KANK3: variants seen among roughly 807,000 people sequenced by gnomAD.
KANK3 encodes KN motif and ankyrin repeat domains 3.
KANK3 carries 61 observed loss-of-function variants against 65.4 expected under a neutral mutation model. The ratio of observed to expected loss-of-function variants is 0.93; its 90% CI spans 0.76 to 1.15. The LOEUF (loss-of-function observed/expected upper bound fraction) is 1.15. KANK3 is among the 50% of genes most tolerant of loss of function. The pLI is 0.00. For synonymous variants in KANK3, 586 were observed against 543.3 expected, an observed-to-expected ratio of 1.08 and a Z score of -1.09; for missense variants, 1,187 against 1,178.8, an observed-to-expected ratio of 1.01 and a Z score of -0.10.
chr19:8,331,486 G>A lies in KANK3; in HGVS notation c.1936+1528C>T, dbSNP rs373231125. Among the ~76,000 whole-genome samples, 33 of 152,254 alleles carry A rather than the reference G, an allele frequency of 2.2e-4. No individual in the cohort carries two copies. The South Asian group carries it at 2.5e-3, about 11-fold the overall frequency. On this transcript the variant is annotated intron_variant, in intron 7 of 10. Coordinates refer to ENST00000330915, the MANE Select transcript of KANK3 (RefSeq NM_198471.3). ...GGGTTGGGGGCAGGCAGTGGGACCCGCCTCAACCTGCAGTTAGTACCAGAG... is the reference window on the plus strand; with the variant it reads ...GGGTTGGGGGCAGGCAGTGGGACCCACCTCAACCTGCAGTTAGTACCAGAG...
chr19:8,339,180 G>A (rs1461967154), intron 1 of KANK3, among the ~76,000 whole-genome samples: 1 of 152,082 alleles, frequency 6.6e-6, no homozygotes, highest in Non-Finnish European at 1.5e-5. Context: ...GTAAGAAAGT[G>A]AGGAAGATTG....
chr19:8,330,699 G>T (rs981507876), intron 7 of KANK3, among the ~76,000 whole-genome samples: 56 of 150,074 alleles, frequency 3.7e-4, no homozygotes, highest in Non-Finnish European at 7.8e-4. Context: ...TTGCACTGTA[G>T]CCTGGGCAAA....
At chr19:8,328,704 G>T (rs1439282412) in intron 7 of KANK3, among the ~76,000 whole-genome samples, 2 of 152,074 alleles carry the variant, frequency 1.3e-5, no homozygotes, top group African/African-American at 4.8e-5. Flanking sequence ...AAGCTGGGAG[G>T]TGAGGGTCGG....
chr19:8,336,723 G>C (rs1169925325), intron 2 of KANK3, among the ~76,000 whole-genome samples: 1 of 140,162 alleles, frequency 7.1e-6, no homozygotes, highest in East Asian at 2.1e-4. Flanking sequence ...CTGGGTGACA[G>C]AGTGAGACCC....
chr19:8,336,270 T>C (rs1970635869), intron 2 of KANK3, among the ~76,000 whole-genome samples: 1 of 151,982 alleles, frequency 6.6e-6, no homozygotes, highest in East Asian at 1.9e-4. Context: ...ACCCAGTATC[T>C]GCTAAAAATA....
Position 8,324,836 on chromosome 19 carries a change from G to C in KANK3, c.2083-6C>G. On this transcript the variant is annotated splice_polypyrimidine_tract_variant and splice_region_variant and intron_variant, in intron 8 of 10. Coordinates refer to ENST00000330915, the MANE Select transcript of KANK3 (RefSeq NM_198471.3). ...ATGAGGGCTGTCTGCCCCGTCTGGGGAGTGGGGAGGAAGAGGGAACAGGCT... is the reference window on the plus strand; with the variant it reads ...ATGAGGGCTGTCTGCCCCGTCTGGGCAGTGGGGAGGAAGAGGGAACAGGCT... 6.2e-7 allele frequency: 1 copy of C among 1,608,594 alleles called. No individual in the cohort carries two copies. Among genetic ancestry groups the C allele is most frequent in the African/African-American group, 1.3e-5 (1 of 74,960 alleles).
chr19:8,339,709 G>A (rs1970697631), intron 1 of KANK3, among the ~76,000 whole-genome samples: 1 of 151,984 alleles, frequency 6.6e-6, no homozygotes, highest in African/African-American at 2.4e-5. Context: ...ACCAAGCACA[G>A]TGGCTCACAA....
chr19:8,339,038 C>T (rs1035106436), intron 1 of KANK3, among the ~76,000 whole-genome samples: 2 of 151,984 alleles, frequency 1.3e-5, no homozygotes, highest in Admixed American at 1.3e-4. Flanking sequence ...ATGTCGCTAG[C>T]GGAGTGTCAC....
At position 8,322,900 on chromosome 19, in the gene KANK3, TG is replaced by T. The variant is rs1435008938; in HGVS notation, c.2404del (p.Gln802ArgfsTer30). ...DTQSESPPGS[Q>X]TATPGEGECG... ...TTCTCCTTCACCAGGTGTGGCTGTC[TG>T]GGAGCCAGGGGGTGACTCGCTCTGG... On this transcript the variant is annotated frameshift_variant, in exon 11 of 11. Coordinates refer to ENST00000330915, the MANE Select transcript of KANK3 (RefSeq NM_198471.3). LOFTEE classifies it low-confidence loss of function (END_TRUNC). 1 of 1,554,668 alleles carries T rather than the reference TG, an allele frequency of 6.4e-7. No individual in the cohort carries two copies. Among genetic ancestry groups the T allele is most frequent in the East Asian group, 2.4e-5 (1 of 42,480 alleles).
chr19:8,330,472 T>C (rs949028634), intron 7 of KANK3, among the ~76,000 whole-genome samples: 9 of 152,198 alleles, frequency 5.9e-5, no homozygotes, highest in African/African-American at 9.6e-5. Flanking sequence ...CTCACACCTG[T>C]AATCCCAGCA....
intron 7 of KANK3, among the ~76,000 whole-genome samples, chr19:8,326,663 G>A (rs1449876776): frequency 3.3e-5 from 5 of 151,350 alleles, no homozygotes; most frequent in African/African-American, 7.3e-5. Flanking sequence ...CGGGTGTGGT[G>A]GTGGGTGCCT....
At chr19:8,335,834 G>C (rs1970628529) in intron 2 of KANK3, 42 bp from the exon 3 acceptor site, 1 of 1,207,624 alleles carries the variant, frequency 8.3e-7, no homozygotes, top group South Asian at 4.2e-5. Context: ...CATCAGAACG[G>C]GGAAACCCGG....
chr19:8,325,155 A>G, intron 7 of KANK3, 59 bp from the exon 8 acceptor site: 6 of 1,529,820 alleles, frequency 3.9e-6, no homozygotes, highest in Non-Finnish European at 5.3e-6. Flanking sequence ...GACTTGATCC[A>G]CTCACCTCCC....
At chr19:8,340,291 T>TATATATATATACACAC (rs1472181365) in intron 1 of KANK3, among the ~76,000 whole-genome samples, 6 of 92,858 alleles carry the variant, frequency 6.5e-5, no homozygotes, top group African/African-American at 1.8e-4. Flanking sequence ...TATATATATA[T>TATATATATATACACAC]ACACACACAC....
chr19:8,332,609 G>A (rs1970545467), intron 7 of KANK3: 2 of 152,670 alleles, frequency 1.3e-5, no homozygotes, highest in African/African-American at 2.4e-5. Context: ...ACGAGGTCAG[G>A]AGATCAAGAC....
rs766634780 is a variant in KANK3 at position 8,334,504 on chromosome 19, G to A, written c.1323C>T (p.Pro441=). The A allele has an allele frequency of 1.9e-6, 3 of 1,604,782 alleles. No homozygotes were observed. Among genetic ancestry groups the A allele is most frequent in the East Asian group, 2.2e-5 (1 of 44,864 alleles). ...GSMDGDRAVA[P]AGILKSIMKK... ...AGCGACGGGGTCGGGACTCACCCGC[G>A]GGCGCCACGGCCCTGTCTCCGTCCA... Residue 441 remains proline, a synonymous_variant, in exon 3 of 11, where the codon CCC becomes CCT. Transcript: ENST00000330915.
chr19:8,335,483 A>G lies in KANK3; in HGVS notation c.344T>C (p.Leu115Pro), dbSNP rs1211672661. ...CGCGCGCGGCGACAGCGGCTGCATC[A>G]GGAGCCCCGAGGGCGCGCCCTGGGA... The part of the protein sequence containing the change: ...ILSQGAPSGL[L>P]MQPLSPRAPV... The change falls in exon 3 of 11, where the codon CTG becomes CCG. Residue 115 changes from leucine to proline, a missense_variant. Around this residue, in one of 3 missense-constraint regions of KANK3, gnomAD observed 1,078 missense variants for 1,038.2 expected, o/e 1.04. Transcript: ENST00000330915. The G allele has an allele frequency of 8.1e-7, 1 of 1,237,342 alleles. No homozygotes were observed. Among genetic ancestry groups the G allele is most frequent in the Non-Finnish European group, 1.0e-6 (1 of 986,284 alleles). 76.6% of individuals were successfully genotyped at this position (1,237,342 alleles called of 1,614,324 possible). A position where few individuals can be genotyped will look rare whatever the true frequency, so the allele number is the denominator to read the frequency against.
chr19:8,324,382 T>G, intron 10 of KANK3, 67 bp downstream of exon 10: 1 of 1,403,734 alleles, frequency 7.1e-7, no homozygotes, highest in Non-Finnish European at 9.8e-7. Context: ...GCTCAGGGCA[T>G]ATTTACTATC....
rs565941131 is a variant in KANK3, at chr19:8,335,580, C to A, written c.247G>T (p.Ala83Ser). ...GATGTCCAGGCGCCTGGGCTACGTG[C>A]GCCCGCGAGGCCGGGCCGGGGCGCG... ...PRAPRPGLAG[A>S]RSPGAWTSSE... Residue 83 changes from alanine to serine, a missense_variant, in exon 3 of 11, where the codon GCA becomes TCA. Ala to Ser is a moderately conservative substitution (Grantham distance 99). Transcript: ENST00000330915. 6 of 1,220,878 alleles carry A rather than the reference C, an allele frequency of 4.9e-6. No individual in the cohort carries two copies. Among genetic ancestry groups the A allele is most frequent in the South Asian group, 4.1e-5 (1 of 24,298 alleles). The allele number at this position is 1,220,878 out of a possible 1,614,324, so 75.6% of individuals were successfully genotyped here. A position where few individuals can be genotyped will look rare whatever the true frequency, so the allele number is the denominator to read the frequency against.
Sources: allele counts gnomAD v4.1 joint callset (sites outside exome capture counted in the v4.1 genomes callset), GRCh38; gene constraint gnomAD v4.1.1; regional missense constraint gnomAD v4.1.1; transcripts MANE v1.5; gene names NCBI Gene and HGNC (gene_info 2026-07-23, HGNC 2026-07-21).